The following OSBPL3 variants were observed in gnomAD, a reference collection of about 807,000 sequenced individuals.
OSBPL3 encodes oxysterol-binding protein-related protein 3.
Under a neutral mutation model 120.1 loss-of-function variants are expected in OSBPL3, and 65 were observed. The observed-to-expected ratio is 0.54, with a 90% CI of 0.44 to 0.67. OSBPL3 has a LOEUF of 0.67. Among genes scored for constraint, OSBPL3 ranks in the 30% least tolerant of loss-of-function variants. The pLI, the probability that OSBPL3 is intolerant of heterozygous loss-of-function variation, is 0.00. For missense variants in OSBPL3, 1,004 were observed against 1,082.1 expected (o/e 0.93, Z 1.01); for synonymous variants, 416 against 402.6 (o/e 1.03, Z -0.40).
Position 24,821,264 on chromosome 7 carries a change from C to T in OSBPL3, c.1885-1026G>A, listed in dbSNP as rs1289262831. ...TAAAGTAACATTTCCCAAGCCACAC[C>T]AATAGTCAGGGAAGAGGTAGCGGTA... On this transcript the variant is annotated intron_variant, in intron 16 of 22. Transcript: ENST00000313367. This position sits in a 1 kb window ranked among gnomAD's most constrained non-coding sequence, Gnocchi z 5.5. 1.3e-5 allele frequency among the ~76,000 whole-genome samples: 2 copies of T among 152,154 alleles called. No homozygotes were observed.
rs190977258 is a variant in OSBPL3 at position 24,910,244 on chromosome 7, G to C, written c.-149-17623C>G. Among the ~76,000 whole-genome samples, 151 of 152,224 alleles carry C rather than the reference G, an allele frequency of 9.9e-4. 1 individual carries two copies. Among genetic ancestry groups the C allele is most frequent in the African/African-American group, 3.5e-3 (146 of 41,536 alleles). ...CCAGCAAGCCAGCCCCTTTCATGTTGCATTTATCACCCACGTGGTCCCAAG... is the reference window on the plus strand; with the variant it reads ...CCAGCAAGCCAGCCCCTTTCATGTTCCATTTATCACCCACGTGGTCCCAAG... On this transcript the variant is annotated intron_variant, in intron 1 of 22. Coordinates refer to ENST00000313367, the MANE Select transcript of OSBPL3 (RefSeq NM_015550.4).
In OSBPL3 at chr7:24,972,717, T is replaced by A. The variant is rs1238793817; in HGVS notation, c.-150+7169A>T. On this transcript the variant is annotated intron_variant, in intron 1 of 22. Coordinates refer to ENST00000313367, the MANE Select transcript of OSBPL3 (RefSeq NM_015550.4). The surrounding 1 kb of genome is among the most constrained non-coding windows in gnomAD (Gnocchi z 4.3). ...TTGCTGAGATTAAAAAATATATACA[T>A]ACATAAATATACACACACATATATA... Among the ~76,000 whole-genome samples, 1 of 152,092 alleles carries A rather than the reference T, an allele frequency of 6.6e-6. No individual in the cohort carries two copies. Among genetic ancestry groups the A allele is most frequent in the Non-Finnish European group, 1.5e-5 (1 of 68,022 alleles).
chr7:24,900,083 C>T lies in OSBPL3; in HGVS notation c.-149-7462G>A, dbSNP rs1806768052. On this transcript the variant is annotated intron_variant, in intron 1 of 22. Coordinates refer to ENST00000313367, the MANE Select transcript of OSBPL3 (RefSeq NM_015550.4). This position sits in a 1 kb window ranked among gnomAD's most constrained non-coding sequence, Gnocchi z 4.5. The stretch of plus-strand genomic sequence containing the variant: ...GTCCTGTGGTTTTTAAAGAGGGGCC[C>T]TAAGACTTGCAGCATCATTATCACC... 6.6e-6 allele frequency among the ~76,000 whole-genome samples: 1 copy of T among 152,170 alleles called. No individual in the cohort carries two copies. Among genetic ancestry groups the T allele is most frequent in the Non-Finnish European group, 1.5e-5 (1 of 68,032 alleles).
rs1794987997 is a variant in OSBPL3 at position 24,820,447 on chromosome 7, G to C, written c.1885-209C>G. ...TGCTCAGATTGGTCAAGGCTGAGGG[G>C]AAGGCCCTTGAACGGAAGCCTCCAG... On this transcript the variant is annotated intron_variant, in intron 16 of 22. Transcript: ENST00000313367. This position sits in a 1 kb window ranked among gnomAD's most constrained non-coding sequence, Gnocchi z 4.6. Among the ~76,000 whole-genome samples the C allele has an allele frequency of 6.6e-6, 1 of 152,152 alleles. No individual in the cohort carries two copies. Among genetic ancestry groups the C allele is most frequent in the African/African-American group, 2.4e-5 (1 of 41,428 alleles).
rs564142331 is a variant in OSBPL3, at chr7:24,833,090, T to A, written c.1746+1396A>T. ...ACTTTTAACACTTGCTTAGAAGCTA[T>A]TTCTAGAAGATTTGCCTTCCTTTTA... On this transcript the variant is annotated intron_variant, in intron 15 of 22. Transcript: ENST00000313367. This position sits in a 1 kb window ranked among gnomAD's most constrained non-coding sequence, Gnocchi z 4.4. Among the ~76,000 whole-genome samples, 3 of 152,234 alleles carry A rather than the reference T, an allele frequency of 2.0e-5. No homozygotes were observed. The highest frequency in any genetic ancestry group is 4.1e-4 in the South Asian group (2 of 4,834).
chr7:24,822,321 A>C lies in OSBPL3; in HGVS notation c.1885-2083T>G, dbSNP rs932515132. Among the ~76,000 whole-genome samples the C allele has an allele frequency of 2.6e-5, 4 of 152,198 alleles. No individual in the cohort carries two copies. The highest frequency in any genetic ancestry group is 9.7e-5 in the African/African-American group (4 of 41,444). On this transcript the variant is annotated intron_variant, in intron 16 of 22. Coordinates refer to ENST00000313367, the MANE Select transcript of OSBPL3 (RefSeq NM_015550.4). The surrounding 1 kb of genome is among the most constrained non-coding windows in gnomAD (Gnocchi z 5.8). The stretch of plus-strand genomic sequence containing the variant: ...ATCATATAAAACAAAATCAAGGTGC[A>C]GTGGCATAGCCCTGTAATTCCAGCT...
At position 24,872,180 on chromosome 7, in the gene OSBPL3, G is replaced by T; in HGVS notation, c.97-111C>A. 1.3e-6 allele frequency: 1 copy of T among 753,344 alleles called. No individual in the cohort carries two copies. The highest frequency in any genetic ancestry group is 2.3e-6 in the Non-Finnish European group (1 of 431,306). The allele number at this position is 753,344 out of a possible 1,614,324, so 46.7% of individuals were successfully genotyped here. ...TATTCAAGATGGGGAGGCTGGCTGGGTTTGTTGGGGAGAAGAAATCCAAAT... is the reference window on the plus strand; with the variant it reads ...TATTCAAGATGGGGAGGCTGGCTGGTTTTGTTGGGGAGAAGAAATCCAAAT... On this transcript the variant is annotated intron_variant, in intron 2 of 22. Coordinates refer to ENST00000313367, the MANE Select transcript of OSBPL3 (RefSeq NM_015550.4). The surrounding 1 kb of genome is among the most constrained non-coding windows in gnomAD (Gnocchi z 4.1).
In OSBPL3 at chr7:24,938,682, TC is replaced by T. The variant is rs1393318505; in HGVS notation, c.-150+41203del. Among the ~76,000 whole-genome samples, 1 of 151,946 alleles carries T rather than the reference TC, an allele frequency of 6.6e-6. No individual in the cohort carries two copies. Among genetic ancestry groups the T allele is most frequent in the Non-Finnish European group, 1.5e-5 (1 of 68,000 alleles). ...TGTTTGTTTTTAGGCTTCCTGGAAGTCCCATACAATACTCCTAAATAACATA... is the reference window on the plus strand; with the variant it reads ...TGTTTGTTTTTAGGCTTCCTGGAAGTCCATACAATACTCCTAAATAACATA... On this transcript the variant is annotated intron_variant, in intron 1 of 22. Transcript: ENST00000313367. The surrounding 1 kb of genome is among the most constrained non-coding windows in gnomAD (Gnocchi z 5.8).
chr7:24,917,428 T>TATATATATATATATA lies in OSBPL3; in HGVS notation c.-149-24808_-149-24807insTATATATATATATAT, dbSNP rs1562924930. Among the ~76,000 whole-genome samples, 99 of 92,260 alleles carry TATATATATATATATA rather than the reference T, an allele frequency of 1.1e-3. 2 individuals carry two copies. The highest frequency in any genetic ancestry group is 4.8e-3 in the South Asian group (14 of 2,944). The allele number at this position is 92,260 out of a possible 152,430, so 60.5% of individuals were successfully genotyped here. On this transcript the variant is annotated intron_variant, in intron 1 of 22. Transcript: ENST00000313367. ...TATATATATATATATATATATATATTTGTAACATATATATATATACACACA... is the reference window on the plus strand; with the variant it reads ...TATATATATATATATATATATATATTATATATATATATATATGTAACATATATATATATACACACA...
chr7:24,834,743 G>C lies in OSBPL3; in HGVS notation c.1496-7C>G, dbSNP rs763010004. ...CCACTATCAAGGACAGGCCCTGAAA[G>C]GGAAAGAGGCCTGGTTGTCTCTATA... On this transcript the variant is annotated splice_polypyrimidine_tract_variant and splice_region_variant and intron_variant, in intron 14 of 22. Transcript: ENST00000313367. The surrounding 1 kb of genome is among the most constrained non-coding windows in gnomAD (Gnocchi z 5.2). 5 of 1,592,104 alleles carry C rather than the reference G, an allele frequency of 3.1e-6. No homozygotes were observed. The Admixed American group carries it at 5.4e-5, about 17-fold the overall frequency.
At chr7:24,857,396 G>A (rs1391170667) in intron 10 of OSBPL3, among the ~76,000 whole-genome samples, 1 of 152,106 alleles carries the variant, frequency 6.6e-6, no homozygotes, top group East Asian at 1.9e-4. Context: ...CACCAAGTTT[G>A]GTCATTTCTG....
In OSBPL3 at chr7:24,955,158, G is replaced by A. The variant is rs544787475; in HGVS notation, c.-150+24728C>T. Among the ~76,000 whole-genome samples, 1 of 152,218 alleles carries A rather than the reference G, an allele frequency of 6.6e-6. No homozygotes were observed. The highest frequency in any genetic ancestry group is 1.5e-5 in the Non-Finnish European group (1 of 68,010). ...ATTACCAACATTTGAACAGTGTCTG[G>A]CACATAACAGACTTCCAAAAAATTA... is the stretch of plus-strand genomic sequence containing the variant. On this transcript the variant is annotated intron_variant, in intron 1 of 22. Transcript: ENST00000313367. The surrounding 1 kb of genome is among the most constrained non-coding windows in gnomAD (Gnocchi z 4.3).
At position 24,934,841 on chromosome 7, in the gene OSBPL3, C is replaced by T. The variant is rs547149215; in HGVS notation, c.-149-42220G>A. Among the ~76,000 whole-genome samples the T allele has an allele frequency of 9.9e-5, 15 of 152,252 alleles. No individual in the cohort carries two copies. In the South Asian group the frequency reaches 1.0e-3, roughly 11 times the overall value. On this transcript the variant is annotated intron_variant, in intron 1 of 22. Coordinates refer to ENST00000313367, the MANE Select transcript of OSBPL3 (RefSeq NM_015550.4). ...ACTTTTGGCAACAGGCAGATGGAAA[C>T]GCCAGAAATTATAATTTTGCTGAAA...
In OSBPL3 at chr7:24,812,411, C is replaced by T. The variant is rs546459249; in HGVS notation, c.2173-2460G>A. 1.1e-4 allele frequency among the ~76,000 whole-genome samples: 16 copies of T among 152,048 alleles called. No homozygotes were observed. The East Asian group carries it at 2.5e-3, about 24-fold the overall frequency. On this transcript the variant is annotated intron_variant, in intron 19 of 22. Transcript: ENST00000313367. ...CTCACTATGTATTGGTCCAGGTCTG[C>T]GAGGCAACCTTGCACTCTATTCTGC...
At position 24,817,214 on chromosome 7, in the gene OSBPL3, G is replaced by A. The variant is rs1158441927; in HGVS notation, c.1949-526C>T. Among the ~76,000 whole-genome samples, 3 of 152,150 alleles carry A rather than the reference G, an allele frequency of 2.0e-5. No homozygotes were observed. Among genetic ancestry groups the A allele is most frequent in the African/African-American group, 7.2e-5 (3 of 41,442 alleles). On this transcript the variant is annotated intron_variant, in intron 17 of 22. Coordinates refer to ENST00000313367, the MANE Select transcript of OSBPL3 (RefSeq NM_015550.4). The surrounding 1 kb of genome is among the most constrained non-coding windows in gnomAD (Gnocchi z 4.0). ...GTCTCAGATTGTCTTATCTAGAGAA[G>A]AGTAGAAAGGTTGAGAACAAAACCA...
chr7:24,892,810 C>T (rs1289407710), intron 1 of OSBPL3, among the ~76,000 whole-genome samples, 189 bp from the exon 2 acceptor site: 2 of 152,144 alleles, frequency 1.3e-5, no homozygotes, highest in Middle Eastern at 3.2e-3. Context: ...GGTGGTTTTT[C>T]ATGTAGCTTT....
In OSBPL3 at chr7:24,899,370, T is replaced by G. The variant is rs373560984; in HGVS notation, c.-149-6749A>C. On this transcript the variant is annotated intron_variant, in intron 1 of 22. Coordinates refer to ENST00000313367, the MANE Select transcript of OSBPL3 (RefSeq NM_015550.4). This position sits in a 1 kb window ranked among gnomAD's most constrained non-coding sequence, Gnocchi z 4.0. ...CAGTTCTCAGTGTTCTTACTGGGACTGTCAGGTCATAGGGATTTCTGAGAA... is the reference window on the plus strand; with the variant it reads ...CAGTTCTCAGTGTTCTTACTGGGACGGTCAGGTCATAGGGATTTCTGAGAA... Among the ~76,000 whole-genome samples the G allele has an allele frequency of 7.2e-5, 11 of 152,092 alleles. No individual in the cohort carries two copies. The East Asian group carries it at 1.8e-3, about 24-fold the overall frequency.
intron 1 of OSBPL3, among the ~76,000 whole-genome samples, chr7:24,976,404 G>A (rs1280323049): frequency 6.6e-6 from 1 of 152,184 alleles, no homozygotes; most frequent in Non-Finnish European, 1.5e-5. Context: ...TGTAGACAAT[G>A]TTAGGACAGA....
In OSBPL3 at chr7:24,967,844, T is replaced by C. The variant is rs1816565187; in HGVS notation, c.-150+12042A>G. Reference sequence around the variant, plus strand: ...AACAGCTCTGCCCTCTCTCTTGCACTGTTGCTGGACATGTCTGTGCTGATA... The same window carrying C: ...AACAGCTCTGCCCTCTCTCTTGCACCGTTGCTGGACATGTCTGTGCTGATA... On this transcript the variant is annotated intron_variant, in intron 1 of 22. Transcript: ENST00000313367. The surrounding 1 kb of genome is among the most constrained non-coding windows in gnomAD (Gnocchi z 5.6). Among the ~76,000 whole-genome samples, 3 of 152,192 alleles carry C rather than the reference T, an allele frequency of 2.0e-5. No individual in the cohort carries two copies. Among genetic ancestry groups the C allele is most frequent in the Admixed American group, 1.3e-4 (2 of 15,284 alleles).
Sources: allele counts gnomAD v4.1 joint callset (sites outside exome capture counted in the v4.1 genomes callset), GRCh38; gene constraint gnomAD v4.1.1; non-coding constraint Gnocchi (gnomAD v3.1); transcripts MANE v1.5; gene names NCBI Gene and HGNC (gene_info 2026-07-23, HGNC 2026-07-21).